TUBGCP4: variants seen among roughly 807,000 people sequenced by gnomAD.
The protein encoded by TUBGCP4 is gamma-tubulin complex component 4.
A neutral mutation model predicts 91.6 loss-of-function variants in TUBGCP4; 54 were observed. The ratio of observed to expected loss-of-function variants is 0.59; its 90% CI spans 0.47 to 0.74. TUBGCP4 has a LOEUF of 0.74. TUBGCP4 is among the 30% of genes least tolerant of loss of function. The pLI, the probability that TUBGCP4 is intolerant of heterozygous loss-of-function variation, is 0.00. For synonymous variants in TUBGCP4, 297 were observed against 302.8 expected (o/e 0.98, Z 0.20); for missense variants, 593 against 800.9 (o/e 0.74, Z 3.13).
Position 43,371,209 on chromosome 15 carries a change from G to A in TUBGCP4, c.-146G>A. The A allele has an allele frequency of 1.3e-6, 1 of 780,100 alleles. No homozygotes were observed. Among genetic ancestry groups the A allele is most frequent in the Non-Finnish European group, 2.1e-6 (1 of 482,374 alleles). 48.3% of individuals were successfully genotyped at this position (780,100 alleles called of 1,614,324 possible). On this transcript the variant is annotated 5_prime_UTR_variant, in exon 1 of 18. Coordinates refer to ENST00000564079, the MANE Select transcript of TUBGCP4 (RefSeq NM_014444.5). ...AGCTTCCCGTCCGCTCCGCCGCAGC[G>A]ATTGTCTCGGTGGGTTGATTCGGCA...
chr15:43,389,175 A>G (rs931860936), intron 9 of TUBGCP4, among the ~76,000 whole-genome samples: 1 of 152,230 alleles, frequency 6.6e-6, no homozygotes, highest in Non-Finnish European at 1.5e-5. Flanking sequence ...TGGTACTTCA[A>G]CAAAAGGTTT....
At chr15:43,398,589 A>C (rs753098200) in intron 13 of TUBGCP4, among the ~76,000 whole-genome samples, 2 of 152,152 alleles carry the variant, frequency 1.3e-5, no homozygotes, top group Non-Finnish European at 2.9e-5. Flanking sequence ...GCCAAATAAT[A>C]AGCAGTTTGT....
rs537449333 is a variant in TUBGCP4 at position 43,376,984 on chromosome 15, G to A, written c.331-30G>A. On this transcript the variant is annotated intron_variant, in intron 3 of 17. Coordinates refer to ENST00000564079, the MANE Select transcript of TUBGCP4 (RefSeq NM_014444.5). ...AAATAGATTTGAGATATTTTGTGTG[G>A]AGCTCTAATCACAAAGTTTTTTATT... 2.6e-6 allele frequency: 4 copies of A among 1,567,518 alleles called. No individual in the cohort carries two copies. The African/African-American group carries it at 4.1e-5, about 16-fold the overall frequency.
At chr15:43,389,256 ATGG>A (rs2044429469) in intron 9 of TUBGCP4, among the ~76,000 whole-genome samples, 3 of 152,338 alleles carry the variant, frequency 2.0e-5, no homozygotes, top group East Asian at 3.9e-4. Flanking sequence ...ACATAGAGAA[ATGG>A]TGGTATTACT....
chr15:43,376,979 G>A (rs372492554), intron 3 of TUBGCP4, 35 bp from the exon 4 acceptor site: 31 of 1,542,346 alleles, frequency 2.0e-5, no homozygotes, highest in Non-Finnish European at 2.8e-5. Flanking sequence ...GAGATATTTT[G>A]TGTGGAGCTC....
rs899913869 is a variant in TUBGCP4 at position 43,406,888 on chromosome 15, G to A, written c.*1674G>A. The A allele has an allele frequency of 1.0e-4, 28 of 275,226 alleles. No individual in the cohort carries two copies. Among genetic ancestry groups the A allele is most frequent in the African/African-American group, 5.8e-4 (26 of 44,770 alleles). The allele number at this position is 275,226 out of a possible 1,614,324, so 17.0% of individuals were successfully genotyped here. A position where few individuals can be genotyped will look rare whatever the true frequency, so the allele number is the denominator to read the frequency against. ...GTTGGGGAGTACCCACAGGTGAGCT[G>A]TGATCTCAGCTCAGAGAGAGAGCAT... On this transcript the variant is annotated 3_prime_UTR_variant, in exon 18 of 18. Coordinates refer to ENST00000564079, the MANE Select transcript of TUBGCP4 (RefSeq NM_014444.5).
intron 6 of TUBGCP4, among the ~76,000 whole-genome samples, chr15:43,381,590 A>G (rs1377149006): frequency 1.3e-5 from 2 of 152,050 alleles, no homozygotes; most frequent in African/African-American, 4.8e-5. Flanking sequence ...TAAAAAAATT[A>G]GCCAGGTGTG....
At chr15:43,382,272 A>G (rs1412933399) in intron 6 of TUBGCP4, among the ~76,000 whole-genome samples, 1 of 152,174 alleles carries the variant, frequency 6.6e-6, no homozygotes, top group Non-Finnish European at 1.5e-5. Context: ...CTTATAGAAC[A>G]TCAATTCCAT....
At chr15:43,390,422 TTA>T (rs1321987181) in intron 9 of TUBGCP4, among the ~76,000 whole-genome samples, 1 of 152,076 alleles carries the variant, frequency 6.6e-6, no homozygotes, top group African/African-American at 2.4e-5. Context: ...ATCTAGTCAT[TTA>T]TGTTTTATTT....
intron 15 of TUBGCP4, 27 bp downstream of exon 15, chr15:43,401,877 G>T: frequency 6.2e-7 from 1 of 1,613,058 alleles, no homozygotes; most frequent in South Asian, 1.1e-5. Context: ...GGTTTCCTCA[G>T]ACTGCTTCTA....
In TUBGCP4 at chr15:43,397,343, C is replaced by T. The variant is rs113200620; in HGVS notation, c.1279+22C>T. ...AAAGGTTTGCCATTCCTCCCTGCCA[C>T]CTTAGAGTTCCTGCTGGTCATCATC... is the stretch of plus-strand genomic sequence containing the variant. On this transcript the variant is annotated intron_variant, in intron 12 of 17. Coordinates refer to ENST00000564079, the MANE Select transcript of TUBGCP4 (RefSeq NM_014444.5). 2.0e-3 allele frequency: 3,089 copies of T among 1,516,660 alleles called. 39 individuals carry two copies. In the African/African-American group the frequency reaches 0.037, roughly 18 times the overall value. 94.0% of individuals were successfully genotyped at this position (1,516,660 alleles called of 1,614,324 possible).
At chr15:43,404,578 G>A (rs372486465) in intron 17 of TUBGCP4, 26 bp downstream of exon 17, 200 of 1,609,996 alleles carry the variant, frequency 1.2e-4, no homozygotes, top group Non-Finnish European at 1.6e-4. Flanking sequence ...GGGTAACTCA[G>A]TAGACTTTTT....
chr15:43,373,566 T>G (rs1190532168), intron 1 of TUBGCP4, among the ~76,000 whole-genome samples: 1 of 152,016 alleles, frequency 6.6e-6, no homozygotes, highest in Non-Finnish European at 1.5e-5. Context: ...ACAGGTATAG[T>G]AACTTGCCTA....
intron 9 of TUBGCP4, chr15:43,393,968 CTTTGCCTA>C (rs2044533745): frequency 6.6e-6 from 1 of 151,934 alleles, no homozygotes; most frequent in African/African-American, 2.4e-5. Flanking sequence ...TCATGTGCCT[CTTTGCCTA>C]TTTTATACTG....
rs1486376003 is a variant in TUBGCP4 at position 43,407,298 on chromosome 15, C to CAGTT, written c.*2086_*2089dup. The CAGTT allele has an allele frequency of 4.4e-6, 5 of 1,143,690 alleles. No homozygotes were observed. Among genetic ancestry groups the CAGTT allele is most frequent in the African/African-American group, 1.5e-5 (1 of 65,006 alleles). 70.8% of individuals were successfully genotyped at this position (1,143,690 alleles called of 1,614,324 possible). Reference sequence around the variant, plus strand: ...ATATACAAGATCCATGCAAGGAATCCAGTTACACACAAGACACATTTAAAA... The same window carrying CAGTT: ...ATATACAAGATCCATGCAAGGAATCCAGTTAGTTACACACAAGACACATTTAAAA... On this transcript the variant is annotated 3_prime_UTR_variant, in exon 18 of 18. Coordinates refer to ENST00000564079, the MANE Select transcript of TUBGCP4 (RefSeq NM_014444.5).
rs757537276 is a variant in TUBGCP4, at chr15:43,404,463, G to C, written c.1899G>C (p.Arg633=). ...SLLFKILSSV[R]NHQINSDLAQ... is the part of the protein sequence containing the mutation. ...TGTTCAAGATTCTCTCCAGTGTTCG[G>C]AATCATCAGATCAACTCAGATTTGG... Residue 633 remains arginine (R), a synonymous_variant, in exon 17 of 18, where the codon CGG becomes CGC. Transcript: ENST00000564079. 6 of 1,613,994 alleles carry C rather than the reference G, an allele frequency of 3.7e-6. No individual in the cohort carries two copies. The African/African-American group carries it at 8.0e-5, about 22-fold the overall frequency.
Position 43,407,681 on chromosome 15 carries a change from CTAT to C in TUBGCP4, c.*2471_*2473del. On this transcript the variant is annotated 3_prime_UTR_variant, in exon 18 of 18. Coordinates refer to ENST00000564079, the MANE Select transcript of TUBGCP4 (RefSeq NM_014444.5). ...ATCCCACTCTGCACAAACCAAAGCC[CTAT>C]TATGTCAAACACACTGCTACTGATC... 9.3e-7 allele frequency: 1 copy of C among 1,078,580 alleles called. No individual in the cohort carries two copies. The highest frequency in any genetic ancestry group is 1.3e-6 in the Non-Finnish European group (1 of 756,560). 66.8% of individuals were successfully genotyped at this position (1,078,580 alleles called of 1,614,324 possible). A position where few individuals can be genotyped will look rare whatever the true frequency, so the allele number is the denominator to read the frequency against.
intron 13 of TUBGCP4, among the ~76,000 whole-genome samples, chr15:43,399,378 T>C (rs573632297): frequency 3.3e-5 from 5 of 152,036 alleles, no homozygotes; most frequent in Admixed American, 1.3e-4. Context: ...TAACACACTA[T>C]TTTTTTTGAG....
At chr15:43,381,907 T>C (rs1392303960) in intron 6 of TUBGCP4, among the ~76,000 whole-genome samples, 1 of 152,176 alleles carries the variant, frequency 6.6e-6, no homozygotes, top group African/African-American at 2.4e-5. Flanking sequence ...ACTTAAATAC[T>C]TCAGCTTGTA....
Sources: allele counts gnomAD v4.1 joint callset (sites outside exome capture counted in the v4.1 genomes callset), GRCh38; gene constraint gnomAD v4.1.1; transcripts MANE v1.5; gene names NCBI Gene and HGNC (gene_info 2026-07-23, HGNC 2026-07-21).